The following TNKS variants were observed in gnomAD, a reference collection of about 807,000 sequenced individuals.
The protein encoded by TNKS is tankyrase, also known as poly [ADP-ribose] polymerase tankyrase-1.
TNKS carries 72 observed loss-of-function variants against 135.8 expected under a neutral mutation model. That is an observed-to-expected ratio of 0.53 (90% CI 0.44 to 0.64). The LOEUF is 0.64. TNKS is among the 30% of genes least tolerant of loss of function. The pLI is 0.00. For synonymous variants in TNKS, 849 were observed against 649.3 expected, an observed-to-expected ratio of 1.31 and a Z score of -4.68; for missense variants, 1,769 against 1,674.0, an observed-to-expected ratio of 1.06 and a Z score of -0.99.
chr8:9,711,326 G>A (rs1467449702), intron 11 of TNKS, among the ~76,000 whole-genome samples: 5 of 152,318 alleles, frequency 3.3e-5, no homozygotes, highest in Middle Eastern at 3.4e-3. Context: ...GTAAGAGTGG[G>A]ACTTGTTAGT....
At chr8:9,627,413 G>A (rs1800103001) in intron 3 of TNKS, among the ~76,000 whole-genome samples, 1 of 152,172 alleles carries the variant, frequency 6.6e-6, no homozygotes, top group Admixed American at 6.5e-5. Flanking sequence ...AACTTGGGAT[G>A]TGTAATTGGC....
chr8:9,700,940 T>TCC (rs1563176427), intron 5 of TNKS, among the ~76,000 whole-genome samples: 3 of 151,170 alleles, frequency 2.0e-5, no homozygotes, highest in African/African-American at 7.3e-5. Context: ...TGCCCCCTTT[T>TCC]TTTTTTTTTT....
intron 3 of TNKS, among the ~76,000 whole-genome samples, chr8:9,663,661 G>C (rs1354952684): frequency 1.3e-5 from 2 of 152,154 alleles, no homozygotes; most frequent in African/African-American, 4.8e-5. Context: ...CTGTCAATTG[G>C]GGGTTCCCAT....
chr8:9,647,575 A>T (rs1800964625), intron 3 of TNKS, among the ~76,000 whole-genome samples: 1 of 152,218 alleles, frequency 6.6e-6, no homozygotes, highest in South Asian at 2.1e-4. Context: ...TGCTGAGTTC[A>T]TAGCTTTAGT....
intron 3 of TNKS, among the ~76,000 whole-genome samples, chr8:9,617,792 T>TA (rs1799699264): frequency 2.6e-5 from 4 of 151,992 alleles, no homozygotes; most frequent in Admixed American, 2.6e-4. Flanking sequence ...GATGCAATTG[T>TA]AGTACCCTTA....
intron 5 of TNKS, among the ~76,000 whole-genome samples, chr8:9,685,870 T>A (rs1415693991): frequency 3.3e-5 from 5 of 152,306 alleles, no homozygotes; most frequent in Admixed American, 2.6e-4. Flanking sequence ...GGAGGATTAG[T>A]GTAATTCTTT....
intron 1 of TNKS, among the ~76,000 whole-genome samples, chr8:9,559,274 G>C (rs1002828140): frequency 2.6e-5 from 4 of 152,084 alleles, no homozygotes; most frequent in African/African-American, 9.7e-5. Flanking sequence ...TCTTATCCTT[G>C]TTTTAGAGCA....
chr8:9,659,483 C>G (rs561501610), intron 3 of TNKS, among the ~76,000 whole-genome samples: 43 of 152,278 alleles, frequency 2.8e-4, no homozygotes, highest in African/African-American at 9.6e-4. Flanking sequence ...TCCCTAATGA[C>G]TACTGGGTAC....
intron 6 of TNKS, among the ~76,000 whole-genome samples, chr8:9,705,627 G>A (rs886795184): frequency 6.6e-6 from 1 of 152,176 alleles, no homozygotes; most frequent in African/African-American, 2.4e-5. Context: ...TGTGAATGGT[G>A]TCCCAGTAGT....
At chr8:9,596,321 C>T (rs1798786164) in intron 2 of TNKS, among the ~76,000 whole-genome samples, 2 of 152,046 alleles carry the variant, frequency 1.3e-5, no homozygotes, top group Non-Finnish European at 2.9e-5. Flanking sequence ...AGTTTTAATA[C>T]TGAAATGTGG....
chr8:9,598,509 A>G (rs1420898353), intron 2 of TNKS, among the ~76,000 whole-genome samples: 1 of 151,774 alleles, frequency 6.6e-6, no homozygotes, highest in Non-Finnish European at 1.5e-5. Context: ...CAGGCTGGGC[A>G]ACATGGAGAA....
At chr8:9,627,014 G>A (rs1004564070) in intron 3 of TNKS, among the ~76,000 whole-genome samples, 32 of 152,166 alleles carry the variant, frequency 2.1e-4, no homozygotes, top group African/African-American at 6.7e-4. Context: ...TTAGAGGGTT[G>A]GACTTTCAGC....
chr8:9,655,136 C>A (rs1585283834), intron 3 of TNKS, among the ~76,000 whole-genome samples: 4 of 152,238 alleles, frequency 2.6e-5, no homozygotes, highest in African/African-American at 9.6e-5. Flanking sequence ...CATGGAGCCT[C>A]ACTCATTGCT....
At chr8:9,614,855 G>A (rs1799581388) in intron 2 of TNKS, among the ~76,000 whole-genome samples, 1 of 152,120 alleles carries the variant, frequency 6.6e-6, no homozygotes, top group African/African-American at 2.4e-5. Flanking sequence ...CTTAAACAGT[G>A]ATTTTTTCTT....
At chr8:9,556,999 G>A in intron 1 of TNKS, 1 of 347,996 alleles carries the variant, frequency 2.9e-6, no homozygotes, top group East Asian at 5.1e-5. Flanking sequence ...GTCCTTTGAG[G>A]ACAGTCCAGA....
intron 17 of TNKS, among the ~76,000 whole-genome samples, chr8:9,745,135 A>G (rs1450978431): frequency 6.6e-6 from 1 of 152,218 alleles, no homozygotes; most frequent in African/African-American, 2.4e-5. Flanking sequence ...TTTTGGGTTA[A>G]CTTAACAAAA....
rs143008333 is a variant in TNKS, at chr8:9,645,810, T to A, written c.994+30133T>A. ...AACTTACTTTGATGATTTAAACAAG[T>A]TTCTTTCTTGTGTTTTCCCTTCCTG... On this transcript the variant is annotated intron_variant, in intron 3 of 26. Coordinates refer to ENST00000310430, the MANE Select transcript of TNKS (RefSeq NM_003747.3). Among the ~76,000 whole-genome samples the A allele has an allele frequency of 2.5e-3, 378 of 152,334 alleles. 3 individuals carry two copies. The highest frequency in any genetic ancestry group is 8.8e-3 in the African/African-American group (367 of 41,568).
intron 3 of TNKS, among the ~76,000 whole-genome samples, chr8:9,657,882 G>T (rs1302911299): frequency 7.2e-6 from 1 of 139,426 alleles, no homozygotes; most frequent in African/African-American, 2.6e-5. Flanking sequence ...TCACTTCTCA[G>T]ACGGGGTGGT....
intron 3 of TNKS, among the ~76,000 whole-genome samples, chr8:9,632,314 C>T (rs1800321113): frequency 6.6e-6 from 1 of 152,116 alleles, no homozygotes; most frequent in African/African-American, 2.4e-5. Context: ...GAAAAATTTC[C>T]AACTTACAGG....
Sources: allele counts gnomAD v4.1 joint callset (sites outside exome capture counted in the v4.1 genomes callset), GRCh38; gene constraint gnomAD v4.1.1; transcripts MANE v1.5; gene names NCBI Gene and HGNC (gene_info 2026-07-23, HGNC 2026-07-21).